ZFPM2: variants seen among roughly 807,000 people sequenced by gnomAD.
ZFPM2 encodes the protein zinc finger protein ZFPM2.
Under a neutral mutation model 98.6 loss-of-function variants are expected in ZFPM2, and 20 were observed. That is an observed-to-expected ratio of 0.20 (90% CI 0.14 to 0.29). The LOEUF (loss-of-function observed/expected upper bound fraction) is 0.29. Among genes scored for constraint, ZFPM2 ranks in the 10% least tolerant of loss-of-function variants. The pLI, the probability that ZFPM2 is intolerant of heterozygous loss-of-function variation, is 1.00. For synonymous variants in ZFPM2, 518 were observed against 502.7 expected, an observed-to-expected ratio of 1.03 and a Z score of -0.41; for missense variants, 1,310 against 1,388.6, an observed-to-expected ratio of 0.94 and a Z score of 0.90.
At chr8:105,322,001 A>AT (rs199799900) in intron 1 of ZFPM2, among the ~76,000 whole-genome samples, 382 of 151,602 alleles carry the variant, frequency 2.5e-3, no homozygotes, top group Non-Finnish European at 2.9e-3. Flanking sequence ...CAAAATTCAG[A>AT]TTTTTTTTTC....
chr8:105,322,158 C>G (rs1411115985), intron 1 of ZFPM2, among the ~76,000 whole-genome samples: 3 of 152,158 alleles, frequency 2.0e-5, no homozygotes, highest in African/African-American at 7.2e-5. Context: ...TCTCCCCGCA[C>G]AGCTGCTCGC....
At chr8:105,799,279 C>T (rs939099415) in intron 7 of ZFPM2, among the ~76,000 whole-genome samples, 9 of 152,134 alleles carry the variant, frequency 5.9e-5, no homozygotes, top group African/African-American at 2.2e-4. Context: ...GTCAAGCAAT[C>T]TTTGGAAACT....
At chr8:105,386,304 A>T (rs16872808) in intron 1 of ZFPM2, among the ~76,000 whole-genome samples, 82,178 of 151,888 alleles carry the variant, frequency 0.54, 22,374 homozygotes, top group Middle Eastern at 0.59. Context: ...TACATTTTTA[A>T]TTTTTTTACA....
intron 5 of ZFPM2, among the ~76,000 whole-genome samples, chr8:105,709,999 G>A (rs1030392009): frequency 1.3e-5 from 2 of 151,514 alleles, no homozygotes; most frequent in African/African-American, 4.8e-5. Context: ...TTAATTCTTG[G>A]TAAGTCACAT....
At chr8:105,487,316 C>G (rs946267380) in intron 3 of ZFPM2, among the ~76,000 whole-genome samples, 1 of 152,080 alleles carries the variant, frequency 6.6e-6, no homozygotes, top group Non-Finnish European at 1.5e-5. Context: ...ATGAGGTCTT[C>G]CCATATTGCC....
intron 2 of ZFPM2, among the ~76,000 whole-genome samples, chr8:105,429,381 A>G (rs1811974630): frequency 6.6e-6 from 1 of 151,538 alleles, no homozygotes; most frequent in Non-Finnish European, 1.5e-5. Flanking sequence ...TTTCTTAAAG[A>G]TACAGTGACC....
chr8:105,332,578 G>C lies in ZFPM2; in HGVS notation c.40+13597G>C, dbSNP rs1408127637. On this transcript the variant is annotated intron_variant, in intron 1 of 7. Coordinates refer to ENST00000407775, the MANE Select transcript of ZFPM2 (RefSeq NM_012082.4). ...AGTAAGTACTAATTTTGTGTACCAT[G>C]TTAAGCCATGGGGATGGGGCAAATA... 3.3e-5 allele frequency among the ~76,000 whole-genome samples: 5 copies of C among 151,682 alleles called. 1 individual carries two copies. The highest frequency in any genetic ancestry group is 7.4e-5 in the Non-Finnish European group (5 of 67,772).
At chr8:105,669,747 A>C (rs1817554572) in intron 5 of ZFPM2, among the ~76,000 whole-genome samples, 1 of 152,180 alleles carries the variant, frequency 6.6e-6, no homozygotes, top group African/African-American at 2.4e-5. Flanking sequence ...ATGGGACTCC[A>C]GCTCTAGAAG....
intron 5 of ZFPM2, among the ~76,000 whole-genome samples, chr8:105,670,324 A>G (rs543762022): frequency 8.1e-4 from 123 of 151,906 alleles, no homozygotes; most frequent in Non-Finnish European, 1.4e-3. Flanking sequence ...GTGAAACCCC[A>G]TCTCTACTAA....
intron 3 of ZFPM2, among the ~76,000 whole-genome samples, chr8:105,513,287 G>A (rs1012316266): frequency 6.6e-6 from 1 of 152,050 alleles, no homozygotes; most frequent in African/African-American, 2.4e-5. Flanking sequence ...TTATATTTAT[G>A]GTTTCACTAA....
chr8:105,496,762 C>G (rs1387030711), intron 3 of ZFPM2, among the ~76,000 whole-genome samples: 3 of 147,874 alleles, frequency 2.0e-5, no homozygotes, highest in Non-Finnish European at 4.5e-5. Context: ...GTGGGCGGAT[C>G]ACCTGAGCCC....
intron 5 of ZFPM2, among the ~76,000 whole-genome samples, chr8:105,741,303 G>A (rs767604131): frequency 3.9e-5 from 6 of 152,082 alleles, no homozygotes; most frequent in Non-Finnish European, 7.4e-5. Flanking sequence ...GAAACTGAGC[G>A]CCTATTAGGA....
intron 2 of ZFPM2, 120 bp downstream of exon 2, chr8:105,419,422 G>A: frequency 2.4e-6 from 3 of 1,251,490 alleles, no homozygotes; most frequent in Non-Finnish European, 2.2e-6. Flanking sequence ...GAAAATAAGT[G>A]CAGATTTTTT....
intron 3 of ZFPM2, among the ~76,000 whole-genome samples, chr8:105,541,645 A>G (rs1814577021): frequency 6.6e-6 from 1 of 152,202 alleles, no homozygotes; most frequent in Non-Finnish European, 1.5e-5. Context: ...CCAGCTAAAT[A>G]AATGGAGATT....
intron 6 of ZFPM2, among the ~76,000 whole-genome samples, chr8:105,790,778 G>A (rs1813585266): frequency 6.6e-6 from 1 of 152,068 alleles, no homozygotes; most frequent in Admixed American, 6.6e-5. Flanking sequence ...ATTGAGCAGT[G>A]GTTTGTAGTT....
intron 1 of ZFPM2, among the ~76,000 whole-genome samples, chr8:105,412,367 C>T (rs2130042817): frequency 6.6e-6 from 1 of 151,756 alleles, no homozygotes; most frequent in African/African-American, 2.4e-5. Flanking sequence ...TTTCCTTCAA[C>T]TTTCTTGATT....
At chr8:105,343,646 G>A (rs1033417919) in intron 1 of ZFPM2, among the ~76,000 whole-genome samples, 1 of 152,066 alleles carries the variant, frequency 6.6e-6, no homozygotes, top group Non-Finnish European at 1.5e-5. Context: ...AGCCTTCTTT[G>A]AGGATAGAAG....
chr8:105,336,695 C>CAT (rs1379854824), intron 1 of ZFPM2, among the ~76,000 whole-genome samples: 3 of 141,374 alleles, frequency 2.1e-5, no homozygotes, highest in African/African-American at 8.4e-5. Context: ...ACTCCACACA[C>CAT]ACACACACAC....
chr8:105,752,062 T>G (rs543634766), intron 5 of ZFPM2, among the ~76,000 whole-genome samples: 2 of 152,120 alleles, frequency 1.3e-5, no homozygotes, highest in East Asian at 3.9e-4. Flanking sequence ...CAGTCACAGT[T>G]TTTACATTAT....
Sources: allele counts gnomAD v4.1 joint callset (sites outside exome capture counted in the v4.1 genomes callset), GRCh38; gene constraint gnomAD v4.1.1; transcripts MANE v1.5; gene names NCBI Gene and HGNC (gene_info 2026-07-23, HGNC 2026-07-21).